The following CKLF variants were observed in gnomAD, a reference collection of about 807,000 sequenced individuals.
CKLF encodes chemokine like factor, also known as chemokine-like factor.
In CKLF, 16 loss-of-function variants were observed where a neutral mutation model predicts 12.9. That is an observed-to-expected ratio of 1.24 (90% CI 0.84 to 1.88). The LOEUF (loss-of-function observed/expected upper bound fraction) is 1.88, where lower values mean the gene tolerates loss of function less well. Ranked by LOEUF, CKLF falls within the 40% of genes most tolerant of loss-of-function variation. CKLF has a pLI of 0.00. For synonymous variants in CKLF, 61 were observed against 69.0 expected (o/e 0.88, Z 0.57); for missense variants, 172 against 188.5 (o/e 0.91, Z 0.51).
chr16:66,556,009 G>A (rs2011436098), intron 1 of CKLF, among the ~76,000 whole-genome samples: 1 of 152,164 alleles, frequency 6.6e-6, no homozygotes, highest in African/African-American at 2.4e-5. Context: ...GGTGAATTGA[G>A]ATTCCTGTAG....
chr16:66,561,152 GC>G (rs1454877484), intron 2 of CKLF, among the ~76,000 whole-genome samples: 1 of 152,002 alleles, frequency 6.6e-6, no homozygotes, highest in Non-Finnish European at 1.5e-5. Flanking sequence ...ACCTCCATCT[GC>G]TAGCCACTGC....
At chr16:66,554,889 G>A (rs1424666719) in intron 1 of CKLF, among the ~76,000 whole-genome samples, 1 of 152,182 alleles carries the variant, frequency 6.6e-6, no homozygotes, top group African/African-American at 2.4e-5. Flanking sequence ...ACTGGGGTGA[G>A]TGAGTGAAGA....
chr16:66,560,231 G>A (rs917182643), intron 2 of CKLF, among the ~76,000 whole-genome samples: 1 of 152,220 alleles, frequency 6.6e-6, no homozygotes, highest in Admixed American at 6.5e-5. Context: ...AGGACCTGCA[G>A]GTGTATCTGA....
At chr16:66,554,517 T>TG (rs1229244382) in intron 1 of CKLF, among the ~76,000 whole-genome samples, 9 of 151,932 alleles carry the variant, frequency 5.9e-5, no homozygotes, top group Non-Finnish European at 1.0e-4. Flanking sequence ...AAAATACTAG[T>TG]GAAAAAAAAC....
At chr16:66,557,470 A>T (rs2011494586) in intron 1 of CKLF, among the ~76,000 whole-genome samples, 1 of 151,806 alleles carries the variant, frequency 6.6e-6, no homozygotes. Context: ...GCCCACCCTG[A>T]CAATTTGTTT....
At chr16:66,565,807 G>A (rs2232727) in intron 3 of CKLF, 79 bp from the exon 4 acceptor site, 169,748 of 1,338,160 alleles carry the variant, frequency 0.13, 12,114 homozygotes, top group Middle Eastern at 0.16. Context: ...GGAATCTGGT[G>A]GGCAGACCAC....
Position 66,552,766 on chromosome 16 carries a change from G to T in CKLF, c.51G>T (p.Val17=), listed in dbSNP as rs745680524. The T allele has an allele frequency of 1.2e-6, 2 of 1,614,116 alleles. No individual in the cohort carries two copies. Among genetic ancestry groups the T allele is most frequent in the Non-Finnish European group, 1.7e-6 (2 of 1,179,972 alleles). Residue 17 remains valine (V), a synonymous_variant, in exon 1 of 4, where the codon GTG becomes GTT. Coordinates refer to ENST00000264001, the MANE Select transcript of CKLF (RefSeq NM_016951.4). ...AACATCGCCCCTTCTGCTTCAGTGTGAAAGGCCACGTGAAGATGCTGCGGC... is the reference window on the plus strand; with the variant it reads ...AACATCGCCCCTTCTGCTTCAGTGTTAAAGGCCACGTGAAGATGCTGCGGC... ...KIKHRPFCFS[V]KGHVKMLRLA... is the part of the protein sequence containing the mutation.
At chr16:66,561,384 TTCTAC>T (rs1224728657) in intron 2 of CKLF, among the ~76,000 whole-genome samples, 1 of 152,196 alleles carries the variant, frequency 6.6e-6, no homozygotes, top group East Asian at 1.9e-4. Context: ...TAAGTTTACA[TTCTAC>T]TCTGTGGCAT....
chr16:66,552,739 A>T lies in CKLF; in HGVS notation c.24A>T (p.Ile8=). ...CGATGGATAACGTGCAGCCGAAAAT[A>T]AAACATCGCCCCTTCTGCTTCAGTG... MDNVQPK[I]KHRPFCFSVK... is the part of the protein sequence containing the mutation. Residue 8 remains isoleucine (I), a synonymous_variant, in exon 1 of 4, where the codon ATA becomes ATT. Coordinates refer to ENST00000264001, the MANE Select transcript of CKLF (RefSeq NM_016951.4). 6.2e-7 allele frequency: 1 copy of T among 1,614,180 alleles called. No homozygotes were observed. The highest frequency in any genetic ancestry group is 8.5e-7 in the Non-Finnish European group (1 of 1,180,026).
chr16:66,560,798 T>TACACACACACACACAC (rs58084691), intron 2 of CKLF, among the ~76,000 whole-genome samples: 9 of 143,648 alleles, frequency 6.3e-5, no homozygotes, highest in African/African-American at 1.0e-4. Flanking sequence ...AAGATAAGTA[T>TACACACACACACACAC]ACACACACAC....
chr16:66,563,741 G>A lies in CKLF; in HGVS notation c.333+524G>A, dbSNP rs560290428. Reference sequence around the variant, plus strand: ...GCAACTAAAGGATCATTTTGAACCCGGCTTGAAGAGAAGCAGATCAATTCC... The same window carrying A: ...GCAACTAAAGGATCATTTTGAACCCAGCTTGAAGAGAAGCAGATCAATTCC... On this transcript the variant is annotated intron_variant, in intron 3 of 3. Coordinates refer to ENST00000264001, the MANE Select transcript of CKLF (RefSeq NM_016951.4). 4.6e-5 allele frequency among the ~76,000 whole-genome samples: 7 copies of A among 152,250 alleles called. No homozygotes were observed. In the South Asian group the frequency reaches 1.0e-3, roughly 23 times the overall value.
chr16:66,565,848 A>T (rs1450685955), intron 3 of CKLF, 38 bp from the exon 4 acceptor site: 8 of 1,600,408 alleles, frequency 5.0e-6, no homozygotes, highest in Non-Finnish European at 6.8e-6. Context: ...AGGAGTGGGG[A>T]CCATGGTTAG....
intron 2 of CKLF, among the ~76,000 whole-genome samples, chr16:66,560,280 G>A (rs2144541076): frequency 6.6e-6 from 1 of 152,342 alleles, no homozygotes; most frequent in East Asian, 1.9e-4. Context: ...GCTGGGGCAA[G>A]AGTGAGGTTT....
At chr16:66,564,837 G>T (rs1315982029) in intron 3 of CKLF, among the ~76,000 whole-genome samples, 1 of 152,130 alleles carries the variant, frequency 6.6e-6, no homozygotes, top group East Asian at 1.9e-4. Flanking sequence ...TGTTACACTG[G>T]TGACTCATAT....
chr16:66,558,545 T>G (rs762614900), intron 2 of CKLF, 197 bp downstream of exon 2: 62 of 617,718 alleles, frequency 1.0e-4, no homozygotes, highest in Non-Finnish European at 1.5e-4. Flanking sequence ...CCACAGAGCA[T>G]AAGTTCTCTG....
In CKLF at chr16:66,563,322, G is replaced by A. The variant is rs913820435; in HGVS notation, c.333+105G>A. 11 of 1,371,916 alleles carry A rather than the reference G, an allele frequency of 8.0e-6. No homozygotes were observed. In the African/African-American group the frequency reaches 1.5e-4, roughly 18 times the overall value. 85.0% of individuals were successfully genotyped at this position (1,371,916 alleles called of 1,614,324 possible). ...AAAGCTATACTATATTCATCCTTGAGATTCCTAGGCCAATATACAATGCCT... is the reference window on the plus strand; with the variant it reads ...AAAGCTATACTATATTCATCCTTGAAATTCCTAGGCCAATATACAATGCCT... On this transcript the variant is annotated intron_variant, in intron 3 of 3. Coordinates refer to ENST00000264001, the MANE Select transcript of CKLF (RefSeq NM_016951.4).
chr16:66,558,324 G>A lies in CKLF; in HGVS notation c.213G>A (p.Met71Ile). Residue 71 changes from methionine (M) to isoleucine (I), a missense_variant, in exon 2 of 4, where the codon ATG becomes ATA. Transcript: ENST00000264001. ...LLYVLRLDRL[M>I]KWLFWPLLDI... ...ATGTACTCAGACTTGATCGATTAAT[G>A]AAGTGGTTATTTTGGCCTTTGCTTG... The A allele has an allele frequency of 1.2e-6, 2 of 1,606,178 alleles. No individual in the cohort carries two copies. The highest frequency in any genetic ancestry group is 1.7e-6 in the Non-Finnish European group (2 of 1,178,328).
intron 3 of CKLF, among the ~76,000 whole-genome samples, chr16:66,563,562 G>A (rs2011902350): frequency 6.6e-6 from 1 of 152,206 alleles, no homozygotes. Context: ...AAGGATGGAT[G>A]AGTTTCATAG....
intron 2 of CKLF, 38 bp downstream of exon 2, chr16:66,558,386 C>T: frequency 1.9e-6 from 3 of 1,584,682 alleles, no homozygotes; most frequent in Non-Finnish European, 8.5e-7. Context: ...TTACTTTTTC[C>T]TACCATAGTG....
Sources: allele counts gnomAD v4.1 joint callset (sites outside exome capture counted in the v4.1 genomes callset), GRCh38; gene constraint gnomAD v4.1.1; transcripts MANE v1.5; gene names NCBI Gene and HGNC (gene_info 2026-07-23, HGNC 2026-07-21).